The following CCM2 variants were observed in gnomAD, a reference collection of about 807,000 sequenced individuals.
CCM2 encodes CCM2 scaffold protein.
In CCM2, 25 loss-of-function variants were observed where a neutral mutation model predicts 44.9. That is an observed-to-expected ratio of 0.56 (90% CI 0.41 to 0.78). CCM2 has a LOEUF of 0.78. Among genes scored for constraint, CCM2 ranks in the 30% least tolerant of loss-of-function variants. CCM2 has a pLI of 0.00. For synonymous variants in CCM2, 219 were observed against 241.1 expected (o/e 0.91, Z 0.85); for missense variants, 481 against 580.6 (o/e 0.83, Z 1.76).
intron 1 of CCM2, among the ~76,000 whole-genome samples, chr7:45,032,249 A>G (rs1797002872): frequency 6.6e-6 from 1 of 152,228 alleles, no homozygotes; most frequent in African/African-American, 2.4e-5. Flanking sequence ...ACTAAGGACT[A>G]GGGCCAGAGA....
At chr7:45,027,968 G>T (rs1158710696) in intron 1 of CCM2, among the ~76,000 whole-genome samples, 1 of 152,130 alleles carries the variant, frequency 6.6e-6, no homozygotes, top group African/African-American at 2.4e-5. Context: ...TCATTTGCTG[G>T]CTTCCTGGTC....
chr7:45,027,130 C>T (rs997522545), intron 1 of CCM2: 5 of 179,432 alleles, frequency 2.8e-5, no homozygotes, highest in East Asian at 1.4e-4. Flanking sequence ...GCTGAGGACC[C>T]GTAGAGCCCG....
intron 1 of CCM2, among the ~76,000 whole-genome samples, chr7:45,001,537 G>C (rs1795629269): frequency 6.6e-6 from 1 of 152,256 alleles, no homozygotes; most frequent in South Asian, 2.1e-4. Flanking sequence ...GGGACCATCA[G>C]GCCCGAGTGT....
intron 2 of CCM2, among the ~76,000 whole-genome samples, chr7:45,038,989 G>A (rs569415245): frequency 1.3e-5 from 2 of 152,362 alleles, no homozygotes; most frequent in African/African-American, 4.8e-5. Context: ...GGAGACAACA[G>A]TGGATGAGGT....
In CCM2 at chr7:45,064,379, G is replaced by A. The variant is rs1798664891; in HGVS notation, c.289-84G>A. On this transcript the variant is annotated intron_variant, in intron 3 of 9. Coordinates refer to ENST00000258781, the MANE Select transcript of CCM2 (RefSeq NM_031443.4). ...CAGCATTTGTCACATGTGTGACATC[G>A]GCCAGCACAATATTCTCAGGAGAAG... 30 of 1,354,028 alleles carry A rather than the reference G, an allele frequency of 2.2e-5. No homozygotes were observed. In the South Asian group the frequency reaches 3.5e-4, roughly 16 times the overall value. The allele number at this position is 1,354,028 out of a possible 1,614,324, so 83.9% of individuals were successfully genotyped here.
intron 1 of CCM2, among the ~76,000 whole-genome samples, chr7:45,008,931 C>T (rs1160427154): frequency 2.0e-5 from 3 of 152,096 alleles, no homozygotes; most frequent in South Asian, 2.1e-4. Context: ...TAGTATTGTC[C>T]GTCTTTCTTG....
chr7:45,064,150 G>A, intron 3 of CCM2, 149 bp downstream of exon 3: 1 of 653,584 alleles, frequency 1.5e-6, no homozygotes, highest in South Asian at 1.8e-5. Flanking sequence ...CTATTCCTTA[G>A]TATGGACATT....
At chr7:45,073,387 C>G in intron 7 of CCM2, 73 bp from the exon 8 acceptor site, 1 of 949,100 alleles carries the variant, frequency 1.1e-6, no homozygotes, top group South Asian at 1.3e-5. Flanking sequence ...ACGGCATGGA[C>G]TAGGTTTCCT....
At chr7:45,020,074 C>T (rs1278728221) in intron 1 of CCM2, among the ~76,000 whole-genome samples, 1 of 152,174 alleles carries the variant, frequency 6.6e-6, no homozygotes, top group Non-Finnish European at 1.5e-5. Flanking sequence ...TCAAATCCTC[C>T]TTTAACCTGT....
intron 1 of CCM2, 114 bp from the exon 2 acceptor site, chr7:45,038,139 C>T: frequency 3.0e-5 from 37 of 1,233,854 alleles, no homozygotes; most frequent in Non-Finnish European, 4.2e-5. Context: ...GTCAGTGATC[C>T]CTGTTGCATG....
intron 6 of CCM2, chr7:45,070,178 A>G (rs527578668): frequency 8.6e-5 from 52 of 602,460 alleles, no homozygotes; most frequent in African/African-American, 2.6e-4. Context: ...GGTCAGCGCT[A>G]TGGCTTCCTG....
intron 4 of CCM2, among the ~76,000 whole-genome samples, chr7:45,067,154 C>G (rs894721556): frequency 4.0e-4 from 61 of 151,452 alleles, no homozygotes; most frequent in Admixed American, 1.1e-3. Context: ...CCACCTTGGC[C>G]TCCCAAAGTG....
At chr7:45,044,519 G>T (rs1232009919) in intron 2 of CCM2, among the ~76,000 whole-genome samples, 1 of 152,136 alleles carries the variant, frequency 6.6e-6, no homozygotes, top group Non-Finnish European at 1.5e-5. Context: ...ATTCAAAGGA[G>T]GGAAACCCCA....
intron 1 of CCM2, among the ~76,000 whole-genome samples, chr7:45,006,355 A>G (rs986602160): frequency 7.1e-5 from 10 of 141,252 alleles, no homozygotes; most frequent in Non-Finnish European, 1.2e-4. Flanking sequence ...ATTTGTTTTT[A>G]TTTTAGACGG....
chr7:45,073,304 G>T (rs1301258885), intron 7 of CCM2, 156 bp from the exon 8 acceptor site: 38 of 658,814 alleles, frequency 5.8e-5, no homozygotes, highest in Non-Finnish European at 9.4e-5. Flanking sequence ...CACCCTGCAT[G>T]CCCAGTCAGC....
In CCM2 at chr7:45,055,574, A is replaced by T. The variant is rs185964419; in HGVS notation, c.205-8344A>T. Among the ~76,000 whole-genome samples the T allele has an allele frequency of 3.4e-3, 520 of 152,192 alleles. 1 individual carries two copies. Among genetic ancestry groups the T allele is most frequent in the Non-Finnish European group, 5.7e-3 (390 of 68,006 alleles). ...TGTGGTGACGGGTGCCCGTAATCCGAGCTATTTGGGAGGCTGAGGCAGATA... is the reference window on the plus strand; with the variant it reads ...TGTGGTGACGGGTGCCCGTAATCCGTGCTATTTGGGAGGCTGAGGCAGATA... On this transcript the variant is annotated intron_variant, in intron 2 of 9. Transcript: ENST00000258781.
At chr7:45,055,838 T>TC (rs1798233153) in intron 2 of CCM2, among the ~76,000 whole-genome samples, 1 of 152,240 alleles carries the variant, frequency 6.6e-6, no homozygotes, top group South Asian at 2.1e-4. Context: ...ACAATGCCTC[T>TC]CCATCTCCCT....
At chr7:45,030,751 T>G (rs1796926809) in intron 1 of CCM2, among the ~76,000 whole-genome samples, 1 of 151,948 alleles carries the variant, frequency 6.6e-6, no homozygotes, top group South Asian at 2.1e-4. Flanking sequence ...TGAGACGGAG[T>G]CTCACTCTGT....
Position 45,015,682 on chromosome 7 carries a change from T to C in CCM2, c.30+15319T>C, listed in dbSNP as rs557065946. Among the ~76,000 whole-genome samples, 182 of 152,276 alleles carry C rather than the reference T, an allele frequency of 1.2e-3. 1 individual carries two copies. Among genetic ancestry groups the C allele is most frequent in the African/African-American group, 4.1e-3 (172 of 41,578 alleles). On this transcript the variant is annotated intron_variant, in intron 1 of 9. Coordinates refer to ENST00000258781, the MANE Select transcript of CCM2 (RefSeq NM_031443.4). Reference sequence around the variant, plus strand: ...ACATGCCTTCTCTAATCCTATGGCATGTGTGCCAGTCCAGAGGTGGCCCAG... The same window carrying C: ...ACATGCCTTCTCTAATCCTATGGCACGTGTGCCAGTCCAGAGGTGGCCCAG...
Sources: gnomAD v4.1 joint callset for allele counts (sites outside exome capture counted in the v4.1 genomes callset) on GRCh38, gnomAD v4.1.1 for gene constraint, MANE v1.5 for transcripts, NCBI Gene and HGNC (gene_info 2026-07-23, HGNC 2026-07-21) for gene names.